ZSCAN5A: variants seen among roughly 807,000 people sequenced by gnomAD.
The protein encoded by ZSCAN5A is zinc finger and SCAN domain containing 5A, also known as zinc finger and SCAN domain-containing protein 5A.
Under a neutral mutation model 23.7 loss-of-function variants are expected in ZSCAN5A, and 12 were observed. The ratio of observed to expected loss-of-function variants is 0.51; its 90% CI spans 0.32 to 0.82. The LOEUF is 0.82. ZSCAN5A is among the 40% of genes least tolerant of loss of function. ZSCAN5A has a pLI of 0.03. For missense variants in ZSCAN5A, 597 were observed against 617.9 expected (o/e 0.97, Z 0.36); for synonymous variants, 257 against 239.9 (o/e 1.07, Z -0.66).
At chr19:56,245,742 CATA>C (rs2035835040) in intron 2 of ZSCAN5A, among the ~76,000 whole-genome samples, 4 of 151,680 alleles carry the variant, frequency 2.6e-5, no homozygotes, top group African/African-American at 9.7e-5. Context: ...CATTTAATGT[CATA>C]ATTCAGCAAG....
At chr19:56,278,544 A>G (rs1411669212) in intron 2 of ZSCAN5A, among the ~76,000 whole-genome samples, 1 of 152,266 alleles carries the variant, frequency 6.6e-6, no homozygotes, top group Non-Finnish European at 1.5e-5. Flanking sequence ...CCAGAGAGAC[A>G]GAACCATGAA....
At chr19:56,281,992 T>C (rs1357724234) in intron 2 of ZSCAN5A, among the ~76,000 whole-genome samples, 1 of 152,196 alleles carries the variant, frequency 6.6e-6, no homozygotes, top group African/African-American at 2.4e-5. Context: ...GAAATAGCTT[T>C]GATCAGATTT....
At chr19:56,291,355 G>A (rs775171530) in intron 2 of ZSCAN5A, among the ~76,000 whole-genome samples, 2 of 152,176 alleles carry the variant, frequency 1.3e-5, no homozygotes, top group Non-Finnish European at 2.9e-5. Flanking sequence ...TGGGGCTTCT[G>A]TCCACCTGGA....
At chr19:56,345,901 A>G (rs1349416668) in intron 2 of ZSCAN5A, among the ~76,000 whole-genome samples, 1 of 152,228 alleles carries the variant, frequency 6.6e-6, no homozygotes, top group Non-Finnish European at 1.5e-5. Context: ...CAGGTAACAC[A>G]ATACAAAAGC....
intron 2 of ZSCAN5A, chr19:56,246,969 A>G: frequency 2.1e-6 from 3 of 1,451,082 alleles, no homozygotes; most frequent in Non-Finnish European, 2.9e-6. Flanking sequence ...AATCCCCAGG[A>G]AAACCTGAGA....
At chr19:56,250,101 A>G (rs1024074309) in intron 2 of ZSCAN5A, among the ~76,000 whole-genome samples, 4 of 152,206 alleles carry the variant, frequency 2.6e-5, no homozygotes, top group Non-Finnish European at 4.4e-5. Flanking sequence ...AATTCATTGC[A>G]AAGGAATAAG....
chr19:56,244,774 A>G (rs1329126291), intron 2 of ZSCAN5A, among the ~76,000 whole-genome samples: 1 of 150,876 alleles, frequency 6.6e-6, no homozygotes, highest in Middle Eastern at 3.2e-3. Context: ...CCAACATGAA[A>G]GAAAGACATT....
intron 2 of ZSCAN5A, chr19:56,245,356 T>C (rs570508577): frequency 1.3e-6 from 1 of 752,616 alleles, no homozygotes. Flanking sequence ...ATGAGATGCG[T>C]CCGGGGGAAG....
intron 2 of ZSCAN5A, among the ~76,000 whole-genome samples, chr19:56,234,829 G>A (rs1164930557): frequency 6.6e-6 from 1 of 152,204 alleles, no homozygotes; most frequent in African/African-American, 2.4e-5. Context: ...GGATTTCAAG[G>A]CAGTAGCTTG....
Position 56,331,708 on chromosome 19 carries a change from T to G in ZSCAN5A, c.-357-15440A>C, listed in dbSNP as rs796337507. ...GTTCAAGCAATTCTCCCGCTTCAGCTTCCTGAGTAGCTGACATTACAGGCA... is the reference window on the plus strand; with the variant it reads ...GTTCAAGCAATTCTCCCGCTTCAGCGTCCTGAGTAGCTGACATTACAGGCA... On this transcript the variant is annotated intron_variant, in intron 2 of 6. Transcript: ENST00000587340. 4.9e-4 allele frequency among the ~76,000 whole-genome samples: 73 copies of G among 149,528 alleles called. 1 individual carries two copies. The highest frequency in any genetic ancestry group is 1.6e-3 in the African/African-American group (66 of 40,570).
rs77400154 is a variant in ZSCAN5A at position 56,221,353 on chromosome 19, C to A, written c.*222G>T. Reference sequence around the variant, plus strand: ...ATCGTTTATTGGAAGAACAGCAACACAAACCAAAATAAACCTATAAGAAAA... The same window carrying A: ...ATCGTTTATTGGAAGAACAGCAACAAAAACCAAAATAAACCTATAAGAAAA... On this transcript the variant is annotated 3_prime_UTR_variant, in exon 6 of 6. Transcript: ENST00000683990. 4.1e-6 allele frequency: 2 copies of A among 493,710 alleles called. No individual in the cohort carries two copies. The highest frequency in any genetic ancestry group is 3.9e-5 in the African/African-American group (2 of 51,876). 30.6% of individuals were successfully genotyped at this position (493,710 alleles called of 1,614,324 possible).
At position 56,251,007 on chromosome 19, in the gene ZSCAN5A, A is replaced by C. The variant is rs998737182; in HGVS notation, c.-127-25834T>G. Among the ~76,000 whole-genome samples the C allele has an allele frequency of 2.6e-5, 4 of 152,220 alleles. No individual in the cohort carries two copies. The East Asian group carries it at 7.7e-4, about 29-fold the overall frequency. On this transcript the variant is annotated intron_variant, in intron 2 of 5. Coordinates refer to ENST00000683990, the MANE Select transcript of ZSCAN5A (RefSeq NM_001322064.3). ...CTACTAAAAATACAAAAAATTAGTC[A>C]GGTGTGGTGGCATGCACCTGTAGTC...
rs536321529 is a variant in ZSCAN5A, at chr19:56,309,082, G to A, written c.-128+4201C>T. Among the ~76,000 whole-genome samples the A allele has an allele frequency of 2.6e-5, 4 of 152,290 alleles. No homozygotes were observed. In the East Asian group the frequency reaches 5.8e-4, roughly 22 times the overall value. ...CAACTGATGAAAGGATAAACAAAAC[G>A]TAGTGCATTCATACAATGGATTATT... On this transcript the variant is annotated intron_variant, in intron 2 of 5. Coordinates refer to ENST00000683990, the MANE Select transcript of ZSCAN5A (RefSeq NM_001322064.3).
At chr19:56,238,980 A>G (rs1460019072) in intron 2 of ZSCAN5A, among the ~76,000 whole-genome samples, 2 of 152,230 alleles carry the variant, frequency 1.3e-5, no homozygotes, top group African/African-American at 4.8e-5. Context: ...CAACGCCTCA[A>G]TTCTTAACAA....
At position 56,321,193 on chromosome 19, in the gene ZSCAN5A, T is replaced by A. The variant is rs116486475; in HGVS notation, c.-357-4925A>T. ...AGGTAATTACGTGCTTCATTCAAAATGAAGTTAATATCTTCTTCTGAAGGA... is the reference window on the plus strand; with the variant it reads ...AGGTAATTACGTGCTTCATTCAAAAAGAAGTTAATATCTTCTTCTGAAGGA... On this transcript the variant is annotated intron_variant, in intron 2 of 6. Transcript: ENST00000587340. 6.1e-4 allele frequency: 401 copies of A among 662,624 alleles called. 3 individuals carry two copies. The African/African-American group carries it at 6.7e-3, about 11-fold the overall frequency. The allele number at this position is 662,624 out of a possible 1,614,324, so 41.0% of individuals were successfully genotyped here.
intron 2 of ZSCAN5A, among the ~76,000 whole-genome samples, chr19:56,287,179 T>C (rs1424730173): frequency 6.6e-6 from 1 of 152,244 alleles, no homozygotes; most frequent in Non-Finnish European, 1.5e-5. Context: ...CCATGCACTT[T>C]CTCTGTTTTC....
At chr19:56,229,129 G>A in intron 2 of ZSCAN5A, among the ~76,000 whole-genome samples, 2 of 151,800 alleles carry the variant, frequency 1.3e-5, no homozygotes, top group Non-Finnish European at 3.0e-5. Context: ...TGCTAGGCAG[G>A]ATTAGATTAC....
intron 2 of ZSCAN5A, among the ~76,000 whole-genome samples, chr19:56,243,838 C>T (rs923726420): frequency 5.3e-5 from 8 of 149,826 alleles, no homozygotes; most frequent in South Asian, 2.2e-4. Context: ...GAAGAAGTGG[C>T]GTCCAGGATT....
In ZSCAN5A at chr19:56,350,998, C is replaced by A. The variant is rs148476723; in HGVS notation, c.-358+12237G>T. 1.1e-4 allele frequency among the ~76,000 whole-genome samples: 16 copies of A among 152,130 alleles called. 1 individual carries two copies. The South Asian group carries it at 1.9e-3, about 18-fold the overall frequency. On this transcript the variant is annotated intron_variant, in intron 2 of 6. Coordinates refer to the ZSCAN5A transcript ENST00000587340. ...GAGAAGGCCCAATTGCTGTCCCCCC[C>A]CAACCACACGCCCCTTTTCAGCAGA... is the stretch of plus-strand genomic sequence containing the variant.
Sources: gnomAD v4.1 joint callset for allele counts (sites outside exome capture counted in the v4.1 genomes callset) on GRCh38, gnomAD v4.1.1 for gene constraint, MANE v1.5 for transcripts, NCBI Gene and HGNC (gene_info 2026-07-23, HGNC 2026-07-21) for gene names.